The following SYN3 variants were observed in gnomAD, a reference collection of about 807,000 sequenced individuals.
SYN3 encodes the protein synapsin III, also known as synapsin-3.
In SYN3, 35 loss-of-function variants were observed where a neutral mutation model predicts 65.8. The ratio of observed to expected loss-of-function variants is 0.53; its 90% CI spans 0.41 to 0.70. SYN3 has a LOEUF of 0.70. Among genes scored for constraint, SYN3 ranks in the 30% least tolerant of loss-of-function variants. The probability of loss-of-function intolerance (pLI) is 0.00; values close to 1 mark genes in which losing one functional copy is unlikely to be tolerated. For synonymous variants in SYN3, 270 were observed against 292.9 expected, an observed-to-expected ratio of 0.92 and a Z score of 0.80; for missense variants, 680 against 749.0, an observed-to-expected ratio of 0.91 and a Z score of 1.08.
At chr22:32,555,239 C>T (rs1477176558) in intron 7 of SYN3, among the ~76,000 whole-genome samples, 1 of 152,174 alleles carries the variant, frequency 6.6e-6, no homozygotes, top group African/African-American at 2.4e-5. Flanking sequence ...TCTTAACATC[C>T]TCTTACGAAA....
chr22:32,631,276 CA>C (rs1408821966), intron 6 of SYN3, among the ~76,000 whole-genome samples: 1 of 138,990 alleles, frequency 7.2e-6, no homozygotes. Context: ...GCCTGGGTGA[CA>C]AGAGCGAAAC....
Position 32,801,687 on chromosome 22 carries a change from C to T in SYN3, c.711+63228G>A. On this transcript the variant is annotated intron_variant, in intron 6 of 13. Transcript: ENST00000358763. This position sits in a 1 kb window ranked among gnomAD's most constrained non-coding sequence, Gnocchi z 4.7. ...GGGGGCCCAGCGCTATATCACTCGGCCGCCCAGGCAGCGGCGCAGAGCGGG... is the reference window on the plus strand; with the variant it reads ...GGGGGCCCAGCGCTATATCACTCGGTCGCCCAGGCAGCGGCGCAGAGCGGG... 5.7e-6 allele frequency: 1 copy of T among 176,894 alleles called. No individual in the cohort carries two copies. The highest frequency in any genetic ancestry group is 1.2e-5 in the Non-Finnish European group (1 of 85,830). The allele number at this position is 176,894 out of a possible 1,614,324, so 11.0% of individuals were successfully genotyped here.
chr22:32,966,326 G>A (rs774849432), intron 3 of SYN3, among the ~76,000 whole-genome samples: 6 of 152,118 alleles, frequency 3.9e-5, no homozygotes, highest in African/African-American at 7.2e-5. Flanking sequence ...GAGGAGAGAC[G>A]TGCATAAGCA....
At chr22:32,587,483 A>G (rs931884359) in intron 7 of SYN3, among the ~76,000 whole-genome samples, 1 of 151,210 alleles carries the variant, frequency 6.6e-6, no homozygotes, top group African/African-American at 2.4e-5. Flanking sequence ...ACACAGAGAG[A>G]CTCTCCTCTC....
At chr22:32,572,574 C>G (rs1032653580) in intron 7 of SYN3, among the ~76,000 whole-genome samples, 1 of 144,570 alleles carries the variant, frequency 6.9e-6, no homozygotes, top group Non-Finnish European at 1.5e-5. Flanking sequence ...TCCTTCTCTT[C>G]TCTTCTCTCT....
chr22:32,833,008 C>T (rs923139633), intron 6 of SYN3, among the ~76,000 whole-genome samples: 6 of 152,112 alleles, frequency 3.9e-5, no homozygotes, highest in African/African-American at 1.2e-4. Context: ...CCTGGGATTA[C>T]AGGCGTGAGC....
In SYN3 at chr22:32,655,348, C is replaced by T. The variant is rs929700287; in HGVS notation, c.712-58612G>A. On this transcript the variant is annotated intron_variant, in intron 6 of 13. Transcript: ENST00000358763. ...TTCTATTCTTTATAAATGACCCAGT[C>T]TGAGGTATTTTGTCACAGCAGCAGG... 3.3e-5 allele frequency among the ~76,000 whole-genome samples: 5 copies of T among 152,318 alleles called. No homozygotes were observed. In the South Asian group the frequency reaches 1.0e-3, roughly 32 times the overall value.
In SYN3 at chr22:32,768,453, A is replaced by G. The variant is rs2045683535; in HGVS notation, c.711+96462T>C. 2.0e-5 allele frequency among the ~76,000 whole-genome samples: 3 copies of G among 152,160 alleles called. No individual in the cohort carries two copies. In the South Asian group the frequency reaches 6.2e-4, roughly 32 times the overall value. ...ATTTCTTTCCTGGGAGACCTCACCT[A>G]CATTCTCAGGTTCAATCGCCACCTC... is the stretch of plus-strand genomic sequence containing the variant. On this transcript the variant is annotated intron_variant, in intron 6 of 13. Coordinates refer to ENST00000358763, the MANE Select transcript of SYN3 (RefSeq NM_003490.4).
At chr22:32,519,039 T>C (rs1253831413) in intron 12 of SYN3, among the ~76,000 whole-genome samples, 1 of 152,122 alleles carries the variant, frequency 6.6e-6, no homozygotes, top group Admixed American at 6.5e-5. Flanking sequence ...AAGGCTGCCA[T>C]CTGCAGGCCA....
chr22:32,987,816 G>A (rs1355185178), intron 2 of SYN3, among the ~76,000 whole-genome samples: 2 of 152,190 alleles, frequency 1.3e-5, no homozygotes, highest in Non-Finnish European at 2.9e-5. Context: ...ACCAGGCATA[G>A]GAGTAGATAC....
At chr22:32,680,635 G>A (rs2060510503) in intron 6 of SYN3, among the ~76,000 whole-genome samples, 1 of 152,298 alleles carries the variant, frequency 6.6e-6, no homozygotes, top group Middle Eastern at 3.4e-3. Flanking sequence ...GCAATCCTGT[G>A]TACTCAACTT....
chr22:32,912,020 T>A (rs1005414568), intron 4 of SYN3, among the ~76,000 whole-genome samples: 1 of 152,230 alleles, frequency 6.6e-6, no homozygotes, highest in East Asian at 1.9e-4. Flanking sequence ...TGATCTCACA[T>A]TTATAAGATG....
intron 1 of SYN3, among the ~76,000 whole-genome samples, chr22:33,011,541 T>C (rs1014444232): frequency 1.8e-4 from 27 of 152,194 alleles, no homozygotes; most frequent in South Asian, 6.2e-4. Context: ...TTTTATTTTT[T>C]GGCAATGTTT....
chr22:32,890,072 CTT>C (rs5845051), intron 4 of SYN3, among the ~76,000 whole-genome samples: 983 of 58,226 alleles, frequency 0.017, 3 homozygotes, highest in African/African-American at 0.029. Context: ...GATTTAGCTG[CTT>C]TTTTTTTTTT....
chr22:33,039,232 C>A (rs1394261807), intron 1 of SYN3, among the ~76,000 whole-genome samples: 1 of 152,098 alleles, frequency 6.6e-6, no homozygotes, highest in Non-Finnish European at 1.5e-5. Flanking sequence ...CGGTGTGGAG[C>A]CAGCATTCAA....
intron 1 of SYN3, among the ~76,000 whole-genome samples, chr22:33,052,350 C>T (rs1441215754): frequency 6.6e-6 from 1 of 150,622 alleles, no homozygotes; most frequent in African/African-American, 2.5e-5. Flanking sequence ...CAGTAAGAGA[C>T]TGCAGTGTGG....
At chr22:32,702,058 T>C (rs949957585) in intron 6 of SYN3, among the ~76,000 whole-genome samples, 12 of 152,248 alleles carry the variant, frequency 7.9e-5, no homozygotes, top group African/African-American at 2.4e-4. Context: ...ATAATAGATA[T>C]GGACAATGTA....
At chr22:32,882,934 G>C (rs2049182916) in intron 4 of SYN3, among the ~76,000 whole-genome samples, 1 of 151,506 alleles carries the variant, frequency 6.6e-6, no homozygotes, top group Non-Finnish European at 1.5e-5. Flanking sequence ...CTAAGCCCTT[G>C]CTTCTCTGAA....
chr22:32,545,981 G>A (rs135480), intron 7 of SYN3, among the ~76,000 whole-genome samples: 1 of 152,030 alleles, frequency 6.6e-6, no homozygotes, highest in African/African-American at 2.4e-5. Flanking sequence ...CCAGGCTGGA[G>A]TGCAGTTGTG....
Sources: allele counts gnomAD v4.1 joint callset (sites outside exome capture counted in the v4.1 genomes callset), GRCh38; gene constraint gnomAD v4.1.1; non-coding constraint Gnocchi (gnomAD v3.1); transcripts MANE v1.5; gene names NCBI Gene and HGNC (gene_info 2026-07-23, HGNC 2026-07-21).